The following NSMCE2 variants were observed in gnomAD, a reference collection of about 807,000 sequenced individuals.
NSMCE2 encodes NSE2 SUMO ligase component of SMC5/6 complex.
Under a neutral mutation model 23.8 loss-of-function variants are expected in NSMCE2, and 24 were observed. The observed-to-expected ratio is 1.01, with a 90% CI of 0.73 to 1.42. The LOEUF (loss-of-function observed/expected upper bound fraction) is 1.42. Ranked by LOEUF, NSMCE2 falls within the 40% of genes most tolerant of loss-of-function variation. The pLI is 0.00. For missense variants in NSMCE2, 284 were observed against 296.5 expected, an observed-to-expected ratio of 0.96 and a Z score of 0.31; for synonymous variants, 92 against 94.1, an observed-to-expected ratio of 0.98 and a Z score of 0.13.
At chr8:125,269,793 T>C (rs186483765) in intron 5 of NSMCE2, among the ~76,000 whole-genome samples, 1 of 152,346 alleles carries the variant, frequency 6.6e-6, no homozygotes. Flanking sequence ...TCATCATCAA[T>C]AGTTAACAAC....
chr8:125,246,156 C>A (rs1030061601), intron 5 of NSMCE2, among the ~76,000 whole-genome samples: 1 of 152,024 alleles, frequency 6.6e-6, no homozygotes, highest in Non-Finnish European at 1.5e-5. Flanking sequence ...ACAATTCAAT[C>A]TGCAAAATGA....
At chr8:125,361,681 T>C (rs925562633) in intron 7 of NSMCE2, among the ~76,000 whole-genome samples, 1 of 152,174 alleles carries the variant, frequency 6.6e-6, no homozygotes, top group African/African-American at 2.4e-5. Context: ...AAGCACTTAG[T>C]TGAAAGCTCT....
At chr8:125,346,586 GA>G (rs1212640327) in intron 5 of NSMCE2, among the ~76,000 whole-genome samples, 2 of 152,178 alleles carry the variant, frequency 1.3e-5, no homozygotes, top group Non-Finnish European at 2.9e-5. Flanking sequence ...TCATTACCCA[GA>G]TAAAAGAAAT....
chr8:125,092,209 T>C (rs897450174), intron 1 of NSMCE2, among the ~76,000 whole-genome samples: 15 of 152,170 alleles, frequency 9.9e-5, no homozygotes, highest in Admixed American at 3.3e-4. Context: ...TTGAACTGAC[T>C]TTAAAAGTAA....
intron 3 of NSMCE2, among the ~76,000 whole-genome samples, chr8:125,124,817 CAG>C (rs1819436839): frequency 6.6e-6 from 1 of 151,976 alleles, no homozygotes; most frequent in African/African-American, 2.4e-5. Context: ...TTTTTTGAGA[CAG>C]AGTCTTACTC....
chr8:125,347,153 A>G (rs1170864495), intron 5 of NSMCE2, among the ~76,000 whole-genome samples: 1 of 152,242 alleles, frequency 6.6e-6, no homozygotes, highest in Non-Finnish European at 1.5e-5. Flanking sequence ...CTATGAAGTA[A>G]GTACCATTAG....
intron 5 of NSMCE2, among the ~76,000 whole-genome samples, chr8:125,275,257 G>T (rs1317815497): frequency 6.6e-6 from 1 of 152,076 alleles, no homozygotes; most frequent in African/African-American, 2.4e-5. Context: ...TCTCATTTCA[G>T]CTTCTGTGAA....
chr8:125,268,115 T>A (rs1827018816), intron 5 of NSMCE2, among the ~76,000 whole-genome samples: 1 of 151,586 alleles, frequency 6.6e-6, no homozygotes, highest in Non-Finnish European at 1.5e-5. Flanking sequence ...CCACCTGTAG[T>A]TTCAGCTACT....
intron 6 of NSMCE2, 95 bp from the exon 7 acceptor site, chr8:125,357,617 G>A (rs893395274): frequency 1.7e-5 from 15 of 872,134 alleles, no homozygotes; most frequent in Middle Eastern, 2.2e-4. Context: ...CATGAGAATG[G>A]GAAGTTAAAC....
intron 5 of NSMCE2, among the ~76,000 whole-genome samples, chr8:125,258,458 G>A (rs774272928): frequency 6.6e-5 from 8 of 121,040 alleles, no homozygotes; most frequent in Non-Finnish European, 1.2e-4. Flanking sequence ...ATTCACCCCC[G>A]CTCCCCCCAC....
intron 5 of NSMCE2, among the ~76,000 whole-genome samples, chr8:125,289,186 ATACT>A (rs772618319): frequency 2.0e-4 from 30 of 152,218 alleles, no homozygotes; most frequent in Non-Finnish European, 1.9e-4. Context: ...GAACTGGATC[ATACT>A]TACTTCCTAG....
chr8:125,196,554 G>A (rs61930535), intron 5 of NSMCE2, among the ~76,000 whole-genome samples: 1 of 152,158 alleles, frequency 6.6e-6, no homozygotes, highest in Non-Finnish European at 1.5e-5. Context: ...TGGCTGCATA[G>A]TATTCCATGG....
intron 5 of NSMCE2, among the ~76,000 whole-genome samples, chr8:125,196,776 A>G (rs1253951357): frequency 6.6e-6 from 1 of 152,174 alleles, no homozygotes; most frequent in South Asian, 2.1e-4. Context: ...GGAATTGCCC[A>G]ACTGTCTTCC....
intron 3 of NSMCE2, among the ~76,000 whole-genome samples, chr8:125,129,409 G>T (rs2384900): frequency 6.6e-6 from 1 of 152,112 alleles, no homozygotes. Context: ...CCAGAGAGAT[G>T]AAGTCACTTG....
rs36036418 is a variant in NSMCE2, at chr8:125,243,501, TAAA to T, written c.418+61254_418+61256del. 4.7e-5 allele frequency among the ~76,000 whole-genome samples: 7 copies of T among 148,638 alleles called. No homozygotes were observed. The East Asian group carries it at 9.8e-4, about 21-fold the overall frequency. On this transcript the variant is annotated intron_variant, in intron 5 of 7. Transcript: ENST00000287437. ...CAACCTTGCAAAAATAATAATTTTT[TAAA>T]AAAAAAAACCTCTAAATTTCTAATG...
At chr8:125,259,504 C>T (rs1412728905) in intron 5 of NSMCE2, among the ~76,000 whole-genome samples, 3 of 152,146 alleles carry the variant, frequency 2.0e-5, no homozygotes, top group African/African-American at 7.2e-5. Context: ...AAACCATCGT[C>T]GTGTCCTCCC....
At chr8:125,210,241 G>A (rs1824271994) in intron 5 of NSMCE2, among the ~76,000 whole-genome samples, 2 of 152,186 alleles carry the variant, frequency 1.3e-5, no homozygotes, top group South Asian at 4.1e-4. Flanking sequence ...TTGCAACAGT[G>A]TCTTGGCACA....
At chr8:125,280,483 G>A (rs992832902) in intron 5 of NSMCE2, among the ~76,000 whole-genome samples, 8 of 152,190 alleles carry the variant, frequency 5.3e-5, no homozygotes, top group Non-Finnish European at 1.2e-4. Flanking sequence ...CTGCTTATTT[G>A]AAGCAATAAA....
At chr8:125,141,126 A>T (rs1347541383) in intron 3 of NSMCE2, among the ~76,000 whole-genome samples, 2 of 152,184 alleles carry the variant, frequency 1.3e-5, no homozygotes, top group Non-Finnish European at 2.9e-5. Flanking sequence ...TTTATTTCAA[A>T]CAGTATTTTG....
Sources: allele counts gnomAD v4.1 joint callset (sites outside exome capture counted in the v4.1 genomes callset), GRCh38; gene constraint gnomAD v4.1.1; transcripts MANE v1.5; gene names NCBI Gene and HGNC (gene_info 2026-07-23, HGNC 2026-07-21).